EPHB4: variants seen among roughly 807,000 people sequenced by gnomAD.
EPHB4 encodes EPH receptor B4.
Under a neutral mutation model 110.6 loss-of-function variants are expected in EPHB4, and 50 were observed. The observed-to-expected ratio is 0.45, with a 90% CI of 0.36 to 0.57. The LOEUF is 0.57. EPHB4 is among the 20% of genes least tolerant of loss of function. EPHB4 has a pLI of 0.00. For synonymous variants in EPHB4, 592 were observed against 578.4 expected, an observed-to-expected ratio of 1.02 and a Z score of -0.34; for missense variants, 1,128 against 1,382.1, an observed-to-expected ratio of 0.82 and a Z score of 2.91.
chr7:100,826,931 G>T (rs775569595), intron 1 of EPHB4, 48 bp downstream of exon 1: 2 of 1,535,226 alleles, frequency 1.3e-6, no homozygotes, highest in Admixed American at 2.0e-5. Flanking sequence ...TGTTGGGGGG[G>T]AGGTCCCAGG....
chr7:100,813,867 G>C, intron 9 of EPHB4, 52 bp downstream of exon 9: 5 of 1,609,122 alleles, frequency 3.1e-6, no homozygotes, highest in Non-Finnish European at 4.2e-6. Context: ...CACCCAGGCA[G>C]GTGGCCATCA....
chr7:100,812,656 A>G, intron 12 of EPHB4, 91 bp downstream of exon 12: 1 of 1,513,690 alleles, frequency 6.6e-7, no homozygotes, highest in East Asian at 2.3e-5. Flanking sequence ...GTGACCTGGG[A>G]CCCACTGTCT....
rs1168250017 is a variant in EPHB4, at chr7:100,807,360, A to G, written c.2334+5T>C. ...GCTCACACCCAGTATTACCCCCAGC[A>G]TTACCAGGGAGCTCGTGTAGGTGGG... On this transcript the variant is annotated splice_donor_5th_base_variant and intron_variant, in intron 13 of 16. Transcript: ENST00000358173. 6.2e-7 allele frequency: 1 copy of G among 1,613,274 alleles called. No homozygotes were observed. Among genetic ancestry groups the G allele is most frequent in the Non-Finnish European group, 8.5e-7 (1 of 1,179,782 alleles).
intron 10 of EPHB4, chr7:100,813,436 C>T (rs1812994067): frequency 4.4e-6 from 3 of 678,668 alleles, no homozygotes; most frequent in Non-Finnish European, 7.5e-6. Context: ...CTGCCTCAGC[C>T]TCCTGAGTAG....
Position 100,813,975 on chromosome 7 carries a change from T to A in EPHB4, c.1635A>T (p.Ala545=). 1 of 1,613,954 alleles carries A rather than the reference T, an allele frequency of 6.2e-7. No individual in the cohort carries two copies. The highest frequency in any genetic ancestry group is 8.5e-7 in the Non-Finnish European group (1 of 1,179,968). The change falls in exon 9 of 17, where the codon GCA becomes GCT. Residue 545 remains alanine, a synonymous_variant. Coordinates refer to ENST00000358173, the MANE Select transcript of EPHB4 (RefSeq NM_004444.5). ...REQLALIAGT[A]VVGVVLVLVV... is the part of the protein sequence containing the mutation. ...CCAGGACCAGGACCACACCCACGAC[T>A]GCCGTGCCCGCAATCAGGGCCAGCT...
intron 3 of EPHB4, 92 bp downstream of exon 3, chr7:100,823,552 C>T (rs928877637): frequency 2.2e-4 from 327 of 1,505,418 alleles, no homozygotes; most frequent in Non-Finnish European, 2.9e-4. Context: ...GGGCCAGAGG[C>T]CTCGCAACTA....
At chr7:100,813,306 G>T (rs972871408) in intron 10 of EPHB4, 98 bp from the exon 11 acceptor site, 378 of 385,690 alleles carry the variant, frequency 9.8e-4, no homozygotes, top group Non-Finnish European at 1.3e-3. Flanking sequence ...TGTCTCCGTG[G>T]TTTTTTTTTT....
Position 100,806,573 on chromosome 7 carries a change from C to G in EPHB4, c.2335-4G>C. The G allele has an allele frequency of 6.2e-7, 1 of 1,611,696 alleles. No individual in the cohort carries two copies. The highest frequency in any genetic ancestry group is 8.5e-7 in the Non-Finnish European group (1 of 1,178,848). On this transcript the variant is annotated splice_region_variant and splice_polypyrimidine_tract_variant and intron_variant, in intron 13 of 16. Transcript: ENST00000358173. ...ATCGGATGGGAATCTTTCCTCCCTG[C>G]AGAAAAAGGAGAAAAGGTGAGCTGG...
Position 100,822,329 on chromosome 7 carries a change from G to T in EPHB4, c.750C>A (p.Val250=), listed in dbSNP as rs760845875. The T allele has an allele frequency of 8.4e-5, 131 of 1,567,734 alleles. No homozygotes were observed. Among genetic ancestry groups the T allele is most frequent in the Non-Finnish European group, 1.1e-4 (125 of 1,155,162 alleles). Residue 250 remains valine (V), a synonymous_variant, in exon 4 of 17, where the codon GTC becomes GTA. Transcript: ENST00000358173. This position sits in a 1 kb window ranked among gnomAD's most constrained non-coding sequence, Gnocchi z 4.7. ...REDGQWAEQP[V]TGCSCAPGFE... ...ACCCCGGAGCACAGCTGCAGCCCGTGACCGGCTGTTCGGCCCACTGGCCAT... is the reference window on the plus strand; with the variant it reads ...ACCCCGGAGCACAGCTGCAGCCCGTTACCGGCTGTTCGGCCCACTGGCCAT...
chr7:100,817,528 CT>C (rs1037350114), intron 7 of EPHB4, among the ~76,000 whole-genome samples, 171 bp from the exon 8 acceptor site: 3 of 151,928 alleles, frequency 2.0e-5, no homozygotes, highest in South Asian at 2.1e-4. Context: ...AATATCATTC[CT>C]TTTTTTTAAG....
chr7:100,820,794 C>T (rs962712949), intron 4 of EPHB4, among the ~76,000 whole-genome samples: 39 of 152,050 alleles, frequency 2.6e-4, no homozygotes, highest in Non-Finnish European at 5.3e-4. Context: ...CAGCAAGTCT[C>T]CTAACATCTG....
intron 6 of EPHB4, among the ~76,000 whole-genome samples, 187 bp downstream of exon 6, chr7:100,819,370 A>G (rs1188378688): frequency 1.3e-5 from 2 of 152,134 alleles, no homozygotes; most frequent in African/African-American, 4.8e-5. Context: ...TCAGCCTCTG[A>G]AAGTGCTGGG....
At position 100,807,419 on chromosome 7, in the gene EPHB4, G is replaced by A. The variant is rs373776011; in HGVS notation, c.2280C>T (p.Gly760=). 2.5e-6 allele frequency: 4 copies of A among 1,613,760 alleles called. No homozygotes were observed. The highest frequency in any genetic ancestry group is 3.4e-6 in the Non-Finnish European group (4 of 1,179,980). The stretch of plus-strand genomic sequence containing the variant: ...AGTTCTCCTCCAGGAATCGGGAAAG[G>A]CCAAAGTCAGACACTTTGCAGACGA... ...SNLVCKVSDF[G]LSRFLEENSS... is the part of the protein sequence containing the mutation. The change falls in exon 13 of 17, where the codon GGC becomes GGT. Residue 760 remains glycine, a synonymous_variant. Coordinates refer to ENST00000358173, the MANE Select transcript of EPHB4 (RefSeq NM_004444.5).
intron 3 of EPHB4, among the ~76,000 whole-genome samples, chr7:100,823,187 G>A (rs1455070394): frequency 6.6e-6 from 1 of 152,182 alleles, no homozygotes. Flanking sequence ...GTGGACAGAG[G>A]TATGCAGGAT....
At chr7:100,805,781 G>A in intron 14 of EPHB4, 87 bp from the exon 15 acceptor site, 2 of 1,291,438 alleles carry the variant, frequency 1.5e-6, no homozygotes, top group African/African-American at 1.5e-5. Flanking sequence ...CTTGGAAGAT[G>A]GTAGGATAGG....
At chr7:100,818,385 C>A in intron 7 of EPHB4, 135 bp downstream of exon 7, 1 of 1,367,040 alleles carries the variant, frequency 7.3e-7, no homozygotes, top group Admixed American at 2.2e-5. Flanking sequence ...GGCCAAGGGG[C>A]TTACCCAAGG....
intron 16 of EPHB4, 98 bp downstream of exon 16, chr7:100,805,068 G>A: frequency 7.0e-7 from 1 of 1,425,642 alleles, no homozygotes; most frequent in South Asian, 1.4e-5. Flanking sequence ...GACAGCATTG[G>A]CACCCGAAGC....
chr7:100,809,975 A>G (rs1812893844), intron 12 of EPHB4, among the ~76,000 whole-genome samples: 1 of 152,238 alleles, frequency 6.6e-6, no homozygotes, highest in African/African-American at 2.4e-5. Flanking sequence ...TTAGCCGGGC[A>G]TAGTGGCTCA....
rs1813177500 is a variant in EPHB4 at position 100,819,909 on chromosome 7, CA to C, written c.965-21del. The C allele has an allele frequency of 6.5e-7, 1 of 1,533,934 alleles. No individual in the cohort carries two copies. The highest frequency in any genetic ancestry group is 2.0e-5 in the Admixed American group (1 of 50,284). Reference sequence around the variant, plus strand: ...GAGGGGCTGCAGGAGACCAGGGAGTCAGGCAGAGGCCGACCTGCTCTGCGGT... The same window carrying C: ...GAGGGGCTGCAGGAGACCAGGGAGTCGGCAGAGGCCGACCTGCTCTGCGGT... On this transcript the variant is annotated intron_variant, in intron 5 of 16. Coordinates refer to ENST00000358173, the MANE Select transcript of EPHB4 (RefSeq NM_004444.5).
Sources: gnomAD v4.1 joint callset for allele counts (sites outside exome capture counted in the v4.1 genomes callset) on GRCh38, gnomAD v4.1.1 for gene constraint, Gnocchi (gnomAD v3.1) non-coding constraint, MANE v1.5 for transcripts, NCBI Gene and HGNC (gene_info 2026-07-23, HGNC 2026-07-21) for gene names.